The following JMJD6 variants were observed in gnomAD, a reference collection of about 807,000 sequenced individuals.
JMJD6 encodes the protein jumonji domain containing 6, arginine demethylase and lysine hydroxylase.
A neutral mutation model predicts 45.8 loss-of-function variants in JMJD6; 17 were observed. The ratio of observed to expected loss-of-function variants is 0.37; its 90% CI spans 0.25 to 0.56. JMJD6 has a LOEUF of 0.56. Among genes scored for constraint, JMJD6 ranks in the 20% least tolerant of loss-of-function variants. The probability of loss-of-function intolerance (pLI) is 0.79; values close to 1 mark genes in which losing one functional copy is unlikely to be tolerated. For synonymous variants in JMJD6, 221 were observed against 196.3 expected (o/e 1.13, Z -1.05); for missense variants, 470 against 517.5 (o/e 0.91, Z 0.89).
intron 2 of JMJD6, 82 bp downstream of exon 2, chr17:76,725,385 T>C: frequency 4.6e-6 from 6 of 1,294,930 alleles, no homozygotes; most frequent in Non-Finnish European, 6.0e-6. Context: ...CAGCCTGGGC[T>C]ACAAGAGTGA....
rs760250003 is a variant in JMJD6 at position 76,723,784 on chromosome 17, C to T, written c.793G>A (p.Val265Ile). Residue 265 changes from valine to isoleucine, a missense_variant, in exon 3 of 6, where the codon GTC becomes ATC. Coordinates refer to ENST00000397625, the MANE Select transcript of JMJD6 (RefSeq NM_015167.3). The part of the protein sequence containing the change: ...LEILQKPGET[V>I]FVPGGWWHVV... The stretch of plus-strand genomic sequence containing the variant: ...AGTTCATCTATACCTGGTACAAAGA[C>T]AGTCTCTCCTGGTTTTTGTAAGATT... The T allele has an allele frequency of 6.2e-7, 1 of 1,614,058 alleles. No homozygotes were observed. Among genetic ancestry groups the T allele is most frequent in the Non-Finnish European group, 8.5e-7 (1 of 1,179,930 alleles).
chr17:76,721,895 T>C lies in JMJD6; in HGVS notation c.844A>G (p.Ile282Val), dbSNP rs765308944. Residue 282 changes from isoleucine (I) to valine (V), a missense_variant, in exon 4 of 6, where the codon ATC becomes GTC. Transcript: ENST00000397625. The stretch of plus-strand genomic sequence containing the variant: ...CTGGCAAAATTTTGGGTGATGGCGA[T>C]AGTAGTGTCGAGATTGAGGACAACA... Reference protein sequence around the residue: ...WHVVLNLDTTIAITQNFASST... With the variant: ...WHVVLNLDTTVAITQNFASST... 1.2e-6 allele frequency: 2 copies of C among 1,614,150 alleles called. No individual in the cohort carries two copies. The highest frequency in any genetic ancestry group is 1.1e-5 in the South Asian group (1 of 91,082).
At chr17:76,717,977 C>T (rs186145443), downstream of JMJD6, among the ~76,000 whole-genome samples, 3 of 146,890 alleles carry the variant, frequency 2.0e-5, no homozygotes, top group Non-Finnish European at 3.0e-5. Flanking sequence ...GACAACAGAG[C>T]GAGACTCTGT....
rs1407054544 is a variant in JMJD6 at position 76,725,802 on chromosome 17, C to G, written c.183G>C (p.Glu61Asp). The G allele has an allele frequency of 2.5e-6, 4 of 1,613,944 alleles. No individual in the cohort carries two copies. The South Asian group carries it at 4.4e-5, about 18-fold the overall frequency. ...CGGGCTTGTAAGGTCTTTCATACCG[C>G]TCCACAAATTCTTCCACAGACAGCT... ...ALQLSVEEFV[E>D]RYERPYKPVV... is the part of the protein sequence containing the mutation. The change falls in exon 2 of 6, where the codon GAG becomes GAC. Residue 61 changes from glutamate to aspartate, a missense_variant. This residue lies in a region of JMJD6 where 346 missense variants were observed against 339.5 expected (regional missense o/e 1.02). Transcript: ENST00000397625.
intron 4 of JMJD6, 96 bp from the exon 5 acceptor site, chr17:76,720,594 T>G (rs771659959): frequency 1.8e-5 from 22 of 1,238,380 alleles, no homozygotes; most frequent in Non-Finnish European, 2.6e-5. Context: ...CAGAAACACC[T>G]GGGAATGCCA....
chr17:76,726,318 G>C, intron 1 of JMJD6, 29 bp downstream of exon 1: 1 of 1,540,700 alleles, frequency 6.5e-7, no homozygotes. Flanking sequence ...CCGATGCCCG[G>C]CCTGGCCACC....
chr17:76,724,481 C>CAG (rs2076873078), intron 2 of JMJD6, among the ~76,000 whole-genome samples: 1 of 152,086 alleles, frequency 6.6e-6, no homozygotes, highest in Non-Finnish European at 1.5e-5. Context: ...TTCTGGTACA[C>CAG]AGAAACACTG....
chr17:76,723,228 G>A (rs1350968247), intron 3 of JMJD6, among the ~76,000 whole-genome samples: 3 of 152,010 alleles, frequency 2.0e-5, no homozygotes, highest in South Asian at 2.1e-4. Context: ...TTACAGGTGT[G>A]AGCCACCGCA....
chr17:76,725,420 A>G (rs1568002073), intron 2 of JMJD6, 47 bp downstream of exon 2: 2 of 1,487,716 alleles, frequency 1.3e-6, no homozygotes, highest in East Asian at 2.4e-5. Context: ...AAAAAAAAAA[A>G]AAAAAAAAGA....
chr17:76,723,656 TG>T, intron 3 of JMJD6, 115 bp downstream of exon 3: 1 of 948,346 alleles, frequency 1.1e-6, no homozygotes, highest in Non-Finnish European at 1.6e-6. Flanking sequence ...TTAGCAAGGA[TG>T]GTCTCGATCT....
Position 76,718,747 on chromosome 17 carries a change from C to T in JMJD6, c.1194G>A (p.Glu398=). ...TGCTGGGTCACCTGGAGGAGCTGCG[C>T]TCTTTGCTGACACAGTCGTCCTGGG... ...TTSQDDCVSK[E]RSSSR is the part of the protein sequence containing the mutation. The change falls in exon 6 of 6, where the codon GAG becomes GAA. Residue 398 remains glutamate, a synonymous_variant. Transcript: ENST00000397625. 1 of 1,614,170 alleles carries T rather than the reference C, an allele frequency of 6.2e-7. No individual in the cohort carries two copies. The highest frequency in any genetic ancestry group is 1.6e-4 in the Middle Eastern group (1 of 6,062).
intron 3 of JMJD6, among the ~76,000 whole-genome samples, chr17:76,723,481 C>A (rs1369550148): frequency 1.3e-5 from 2 of 151,450 alleles, no homozygotes; most frequent in Non-Finnish European, 2.9e-5. Flanking sequence ...TACTCTGTCA[C>A]CCTGGCTGGA....
rs1364998011 is a variant in JMJD6 at position 76,726,440 on chromosome 17, G to C, written c.36C>G (p.Ala12=). The C allele has an allele frequency of 8.7e-6, 14 of 1,603,312 alleles. No homozygotes were observed. The highest frequency in any genetic ancestry group is 1.0e-5 in the Non-Finnish European group (12 of 1,176,018). The change falls in exon 1 of 6, where the codon GCC becomes GCG. Residue 12 remains alanine, a synonymous_variant. Coordinates refer to ENST00000397625, the MANE Select transcript of JMJD6 (RefSeq NM_015167.3). ...NHKSKKRIRE[A]KRSARPELKD... is the part of the protein sequence containing the mutation. ...TGAGCTCCGGCCGCGCACTCCGCTT[G>C]GCCTCGCGGATGCGCTTCTTGCTCT...
At position 76,725,461 on chromosome 17, in the gene JMJD6, C is replaced by G. The variant is rs756034509; in HGVS notation, c.518+6G>C. 3 of 1,297,556 alleles carry G rather than the reference C, an allele frequency of 2.3e-6. No homozygotes were observed. Among genetic ancestry groups the G allele is most frequent in the Middle Eastern group, 2.1e-4 (1 of 4,774 alleles). 80.4% of individuals were successfully genotyped at this position (1,297,556 alleles called of 1,614,324 possible). A position where few individuals can be genotyped will look rare whatever the true frequency, so the allele number is the denominator to read the frequency against. ...ATTTTAACCACTTAGCTGCAGAATA[C>G]TTTACCTGTAAGGGGGCCTGCGCTT... is the stretch of plus-strand genomic sequence containing the variant. On this transcript the variant is annotated splice_donor_region_variant and intron_variant, in intron 2 of 5. Coordinates refer to ENST00000397625, the MANE Select transcript of JMJD6 (RefSeq NM_015167.3).
intron 1 of JMJD6, 63 bp from the exon 2 acceptor site, chr17:76,725,918 G>A (rs1476971432): frequency 2.0e-6 from 3 of 1,512,444 alleles, no homozygotes; most frequent in South Asian, 2.7e-5. Context: ...GGCAGATAAG[G>A]GTGTCCCCAA....
chr17:76,724,267 G>A (rs2076867809), intron 2 of JMJD6, among the ~76,000 whole-genome samples: 1 of 151,754 alleles, frequency 6.6e-6, no homozygotes, highest in South Asian at 2.1e-4. Flanking sequence ...GATTACCGAC[G>A]CACACCACCA....
At chr17:76,720,763 C>T (rs901644215) in intron 4 of JMJD6, 11 of 348,620 alleles carry the variant, frequency 3.2e-5, no homozygotes, top group South Asian at 3.0e-4. Flanking sequence ...AGCCGTGCCA[C>T]CAATACACGA....
intron 2 of JMJD6, among the ~76,000 whole-genome samples, chr17:76,724,544 C>A (rs555141674): frequency 6.6e-6 from 1 of 152,042 alleles, no homozygotes; most frequent in Non-Finnish European, 1.5e-5. Context: ...TCAGCTGGGG[C>A]GGTAGCTCAC....
At chr17:76,721,026 G>A (rs968995247) in intron 4 of JMJD6, among the ~76,000 whole-genome samples, 4 of 152,322 alleles carry the variant, frequency 2.6e-5, no homozygotes, top group African/African-American at 9.6e-5. Flanking sequence ...AAACTGAACT[G>A]AAGAGCAGCA....
Sources: allele counts gnomAD v4.1 joint callset (sites outside exome capture counted in the v4.1 genomes callset), GRCh38; gene constraint gnomAD v4.1.1; regional missense constraint gnomAD v4.1.1; transcripts MANE v1.5; gene names NCBI Gene and HGNC (gene_info 2026-07-23, HGNC 2026-07-21).